NUDT11: variants seen among roughly 807,000 people sequenced by gnomAD.
NUDT11 encodes the protein diphosphoinositol polyphosphate phosphohydrolase 3-beta.
In NUDT11, 1 loss-of-function variant was observed where a neutral mutation model predicts 10.0. That is an observed-to-expected ratio of 0.10 (90% CI 0.04 to 0.47). NUDT11 has a LOEUF of 0.47. Ranked by LOEUF, NUDT11 falls within the 20% of genes least tolerant of loss-of-function variation. The pLI is 0.96. For missense variants in NUDT11, 47 were observed against 140.4 expected (o/e 0.33, Z 3.36); for synonymous variants, 63 against 65.9 (o/e 0.96, Z 0.21).
intron 1 of NUDT11, among the ~76,000 whole-genome samples, chrX:51,492,268 T>C (rs1557326263): frequency 8.9e-6 from 1 of 111,948 alleles, no homozygotes; most frequent in Non-Finnish European, 1.9e-5. Flanking sequence ...GAGCGTCAGA[T>C]AGTTAGATAA....
chrX:51,490,064 GAA>G lies in NUDT11; in HGVS notation c.*1683_*1684del, dbSNP rs1925559919. On this transcript the variant is annotated 3_prime_UTR_variant, in exon 2 of 2. Coordinates refer to ENST00000375992, the MANE Select transcript of NUDT11 (RefSeq NM_018159.4). ...TTTCAAACATATACAAAAGTATAGA[GAA>G]TAGTATAATGAACTCTCAAACATCC... is the stretch of plus-strand genomic sequence containing the variant. The G allele has an allele frequency of 9.0e-6, 1 of 111,466 alleles. No individual in the cohort carries two copies. The highest frequency in any genetic ancestry group is 3.3e-5 in the African/African-American group (1 of 30,670). 9.2% of individuals were successfully genotyped at this position (111,466 alleles called of 1,213,427 possible).
In NUDT11 at chrX:51,491,223, T is replaced by C. The variant is rs1925586965; in HGVS notation, c.*526A>G. 8.8e-6 allele frequency: 1 copy of C among 113,036 alleles called. No individual in the cohort carries two copies. The highest frequency in any genetic ancestry group is 3.2e-5 in the African/African-American group (1 of 30,778). The allele number at this position is 113,036 out of a possible 1,213,427, so 9.3% of individuals were successfully genotyped here. ...TGGTATGACATAGAAATAGGAGTAA[T>C]AATTCTTGTCCTCAAACATCTTACA... On this transcript the variant is annotated 3_prime_UTR_variant, in exon 2 of 2. Coordinates refer to ENST00000375992, the MANE Select transcript of NUDT11 (RefSeq NM_018159.4).
chrX:51,496,497 G>A lies in NUDT11; in HGVS notation c.-53C>T. 2 of 1,173,922 alleles carry A rather than the reference G, an allele frequency of 1.7e-6. No homozygotes were observed. Among genetic ancestry groups the A allele is most frequent in the South Asian group, 1.9e-5 (1 of 51,659 alleles). On this transcript the variant is annotated 5_prime_UTR_variant, in exon 1 of 2. Coordinates refer to ENST00000375992, the MANE Select transcript of NUDT11 (RefSeq NM_018159.4). The stretch of plus-strand genomic sequence containing the variant: ...TCCTCTCGCCTCTCGCTGCTGTGTG[G>A]GCCGCCGCTGCCGCTGCCGCCGCCG...
At position 51,491,166 on chromosome X, in the gene NUDT11, T is replaced by C. The variant is rs781847654; in HGVS notation, c.*583A>G. The C allele has an allele frequency of 1.7e-3, 196 of 112,460 alleles. No individual in the cohort carries two copies. The highest frequency in any genetic ancestry group is 2.7e-3 in the Non-Finnish European group (145 of 53,311). 9.3% of individuals were successfully genotyped at this position (112,460 alleles called of 1,213,427 possible). The stretch of plus-strand genomic sequence containing the variant: ...TTCTACAAAACATTACCCTAGGTGA[T>C]GGCATAATCTTAAAACTGTGCAGCT... On this transcript the variant is annotated 3_prime_UTR_variant, in exon 2 of 2. Transcript: ENST00000375992.
At position 51,496,335 on chromosome X, in the gene NUDT11, C is replaced by T; in HGVS notation, c.110G>A (p.Ser37Asn). 8.3e-7 allele frequency: 1 copy of T among 1,208,784 alleles called. No homozygotes were observed. Among genetic ancestry groups the T allele is most frequent in the Non-Finnish European group, 1.1e-6 (1 of 894,177 alleles). The change falls in exon 1 of 2, where the codon AGT becomes AAT. Residue 37 changes from serine to asparagine, a missense_variant. Ser to Asn is a conservative substitution (Grantham distance 46, BLOSUM62 1). Transcript: ENST00000375992. ...SEREDEVLLV[S>N]SSRYPDRWIV... The stretch of plus-strand genomic sequence containing the variant: ...CCAGCGGTCCGGGTACCGGCTGCTA[C>T]TCACTAACAGGACCTCGTCCTCGCG...
rs1269074179 is a variant in NUDT11, at chrX:51,491,590, G to C, written c.*159C>G. ...TACAACAACCAGAGCAAGAGTCAGT[G>C]GTATAGACAGGGAAGGAGTGTCCCA... On this transcript the variant is annotated 3_prime_UTR_variant, in exon 2 of 2. Coordinates refer to ENST00000375992, the MANE Select transcript of NUDT11 (RefSeq NM_018159.4). 8 of 486,908 alleles carry C rather than the reference G, an allele frequency of 1.6e-5. No homozygotes were observed. Among genetic ancestry groups the C allele is most frequent in the Non-Finnish European group, 3.0e-5 (8 of 270,737 alleles). The allele number at this position is 486,908 out of a possible 1,213,427, so 40.1% of individuals were successfully genotyped here.
intron 1 of NUDT11, among the ~76,000 whole-genome samples, chrX:51,494,619 CA>C (rs200803382): frequency 0.31 from 28,903 of 93,554 alleles, 3,222 homozygotes; most frequent in Non-Finnish European, 0.35. Context: ...AAGGGGGCAG[CA>C]AAAAAAAAAA....
rs1430550491 is a variant in NUDT11 at position 51,490,295 on chromosome X, T to A, written c.*1454A>T. ...ATATCACATCTTAAAAAACAATAAA[T>A]CAAGAAGTTATATTTTTATTTCAAA... On this transcript the variant is annotated 3_prime_UTR_variant, in exon 2 of 2. Transcript: ENST00000375992. 9.0e-6 allele frequency: 1 copy of A among 111,719 alleles called. No individual in the cohort carries two copies. The highest frequency in any genetic ancestry group is 1.9e-5 in the Non-Finnish European group (1 of 53,144). The allele number at this position is 111,719 out of a possible 1,213,427, so 9.2% of individuals were successfully genotyped here. A position where few individuals can be genotyped will look rare whatever the true frequency, so the allele number is the denominator to read the frequency against.
At position 51,491,732 on chromosome X, in the gene NUDT11, A is replaced by G. The variant is rs1479436793; in HGVS notation, c.*17T>C. ...CAATGTTTCTTTCAGCACAATACTGAACATCTTTGCTGTTCATCTGGAAAA... is the reference window on the plus strand; with the variant it reads ...CAATGTTTCTTTCAGCACAATACTGGACATCTTTGCTGTTCATCTGGAAAA... On this transcript the variant is annotated 3_prime_UTR_variant, in exon 2 of 2. Coordinates refer to ENST00000375992, the MANE Select transcript of NUDT11 (RefSeq NM_018159.4). 1.1e-5 allele frequency: 6 copies of G among 569,563 alleles called. No individual in the cohort carries two copies. In the African/African-American group the frequency reaches 1.3e-4, roughly 13 times the overall value. 46.9% of individuals were successfully genotyped at this position (569,563 alleles called of 1,213,427 possible). A position where few individuals can be genotyped will look rare whatever the true frequency, so the allele number is the denominator to read the frequency against.
chrX:51,493,746 G>GA (rs1168445703), intron 1 of NUDT11, among the ~76,000 whole-genome samples: 272 of 101,291 alleles, frequency 2.7e-3, no homozygotes, highest in African/African-American at 7.9e-3. Context: ...AGTGTTTCTG[G>GA]AAAAAAAAAA....
rs936109450 is a variant in NUDT11, at chrX:51,490,116, A to G, written c.*1633T>C. On this transcript the variant is annotated 3_prime_UTR_variant, in exon 2 of 2. Coordinates refer to ENST00000375992, the MANE Select transcript of NUDT11 (RefSeq NM_018159.4). ...CATCACACAGCTTCAGCAATTACCA[A>G]TTTATGGCCAATCTTGTTTCATCTA... The G allele has an allele frequency of 2.7e-5, 3 of 111,792 alleles. No homozygotes were observed. The highest frequency in any genetic ancestry group is 3.8e-5 in the Non-Finnish European group (2 of 53,198). The allele number at this position is 111,792 out of a possible 1,213,427, so 9.2% of individuals were successfully genotyped here.
chrX:51,494,643 G>A (rs1925662705), intron 1 of NUDT11, among the ~76,000 whole-genome samples: 1 of 110,881 alleles, frequency 9.0e-6, no homozygotes, highest in South Asian at 3.8e-4. Context: ...AGCAGAGACG[G>A]TTTCAAAAGG....
chrX:51,495,567 A>C, intron 1 of NUDT11, among the ~76,000 whole-genome samples: 1 of 111,669 alleles, frequency 9.0e-6, no homozygotes, highest in Middle Eastern at 4.7e-3. Flanking sequence ...ATATAAAAGA[A>C]CCAAAAACAT....
chrX:51,495,875 G>A (rs1395224303), intron 1 of NUDT11, 76 bp downstream of exon 1: 22 of 1,166,845 alleles, frequency 1.9e-5, no homozygotes, highest in South Asian at 6.0e-5. Flanking sequence ...CACATGGCAC[G>A]AGAGGTGCTC....
chrX:51,496,336 T>A lies in NUDT11; in HGVS notation c.109A>T (p.Ser37Cys). The A allele has an allele frequency of 8.3e-7, 1 of 1,208,549 alleles. No homozygotes were observed. The highest frequency in any genetic ancestry group is 1.1e-6 in the Non-Finnish European group (1 of 894,127). The change falls in exon 1 of 2, where the codon AGT becomes TGT. Residue 37 changes from serine (S) to cysteine (C), a missense_variant. By Grantham distance (112) the Ser-to-Cys change is moderately radical. Coordinates refer to ENST00000375992, the MANE Select transcript of NUDT11 (RefSeq NM_018159.4). ...SEREDEVLLV[S>C]SSRYPDRWIV... is the part of the protein sequence containing the mutation. The stretch of plus-strand genomic sequence containing the variant: ...CAGCGGTCCGGGTACCGGCTGCTAC[T>A]CACTAACAGGACCTCGTCCTCGCGT...
intron 1 of NUDT11, among the ~76,000 whole-genome samples, chrX:51,492,137 C>G (rs1184706423): frequency 8.9e-6 from 1 of 112,179 alleles, no homozygotes; most frequent in Admixed American, 9.4e-5. Context: ...ACAATAAACT[C>G]TGCGAACCAT....
chrX:51,490,437 AAATC>A lies in NUDT11; in HGVS notation c.*1308_*1311del, dbSNP rs1461541417. On this transcript the variant is annotated 3_prime_UTR_variant, in exon 2 of 2. Coordinates refer to ENST00000375992, the MANE Select transcript of NUDT11 (RefSeq NM_018159.4). ...CAATTGCTTTATAATATAAAAGAAA[AAATC>A]AAACAAACTAGCATATTAGAACCAC... is the stretch of plus-strand genomic sequence containing the variant. The A allele has an allele frequency of 8.9e-6, 1 of 112,064 alleles. No homozygotes were observed. Among genetic ancestry groups the A allele is most frequent in the African/African-American group, 3.2e-5 (1 of 30,864 alleles). 9.2% of individuals were successfully genotyped at this position (112,064 alleles called of 1,213,427 possible).
chrX:51,493,585 T>G (rs1184503505), intron 1 of NUDT11, among the ~76,000 whole-genome samples: 3 of 111,706 alleles, frequency 2.7e-5, no homozygotes, highest in Non-Finnish European at 5.7e-5. Context: ...TACTAATGCT[T>G]TTAACTTGAA....
chrX:51,495,017 T>C (rs782275387), intron 1 of NUDT11, among the ~76,000 whole-genome samples: 8 of 111,804 alleles, frequency 7.2e-5, no homozygotes, highest in Non-Finnish European at 1.1e-4. Flanking sequence ...ATGGTTCTTC[T>C]ATGGTATCCA....
Sources: gnomAD v4.1 joint callset for allele counts (sites outside exome capture counted in the v4.1 genomes callset) on GRCh38, gnomAD v4.1.1 for gene constraint, MANE v1.5 for transcripts, NCBI Gene and HGNC (gene_info 2026-07-23, HGNC 2026-07-21) for gene names.